MTCL3: variants seen among roughly 807,000 people sequenced by gnomAD.
MTCL3 encodes the protein MTCL family member 3.
At chr6:127,512,498 A>T in the MTCL3 span, among the ~76,000 whole-genome samples, 2 of 152,170 alleles carry the variant, frequency 1.3e-5, no homozygotes, top group Non-Finnish European at 2.9e-5. Context: ...CATCCTAAAA[A>T]TTCATGGTTC....
the MTCL3 span, chr6:127,516,051 C>T: frequency 6.5e-7 from 1 of 1,544,040 alleles, no homozygotes; most frequent in Non-Finnish European, 8.7e-7. Context: ...GCGGCGGCTG[C>T]GGAGCGCCCC....
the MTCL3 span, among the ~76,000 whole-genome samples, chr6:127,477,498 A>C: frequency 1.3e-5 from 2 of 152,206 alleles, no homozygotes; most frequent in African/African-American, 4.8e-5. Context: ...TCTTCATTAA[A>C]AAAACAAAAA....
chr6:127,505,454 G>A, the MTCL3 span, among the ~76,000 whole-genome samples: 1 of 152,158 alleles, frequency 6.6e-6, no homozygotes, highest in African/African-American at 2.4e-5. Context: ...ACTTACAAGT[G>A]GGCGCTAAAT....
the MTCL3 span, among the ~76,000 whole-genome samples, chr6:127,480,912 T>G: frequency 6.6e-6 from 1 of 152,170 alleles, no homozygotes; most frequent in African/African-American, 2.4e-5. Context: ...GGTCATAACC[T>G]CTGAAAATAA....
the MTCL3 span, among the ~76,000 whole-genome samples, chr6:127,507,842 CAAAAAAAAAAAAA>C: frequency 1.2e-5 from 1 of 82,088 alleles, no homozygotes; most frequent in Admixed American, 1.3e-4. Flanking sequence ...GACTATGTCT[CAAAAAAAAAAAAA>C]AAAAAAAAAA....
chr6:127,498,733 T>C, the MTCL3 span, among the ~76,000 whole-genome samples: 21 of 152,260 alleles, frequency 1.4e-4, no homozygotes, highest in South Asian at 3.9e-3. Context: ...TGAATATTAT[T>C]TGGAAATAAA....
the MTCL3 span, chr6:127,515,018 C>T: frequency 1.9e-6 from 3 of 1,614,098 alleles, no homozygotes; most frequent in Non-Finnish European, 2.5e-6. This position sits in a 1 kb window ranked among gnomAD's most constrained non-coding sequence, Gnocchi z 4.3. Context: ...TCATCTCGTC[C>T]ATCTCGGTTC....
At chr6:127,506,523 A>T in the MTCL3 span, among the ~76,000 whole-genome samples, 1 of 151,878 alleles carries the variant, frequency 6.6e-6, no homozygotes, top group African/African-American at 2.4e-5. Context: ...TAATTTTAAA[A>T]CCCTTATTTC....
chr6:127,515,163 A>C, the MTCL3 span: 1 of 948,366 alleles, frequency 1.1e-6, no homozygotes, highest in Non-Finnish European at 1.7e-6. The surrounding 1 kb of genome is among the most constrained non-coding windows in gnomAD (Gnocchi z 4.3). Flanking sequence ...CTCTCTCTCC[A>C]CGAGACAGGA....
chr6:127,485,289 G>GA, the MTCL3 span, among the ~76,000 whole-genome samples: 154 of 149,900 alleles, frequency 1.0e-3, 1 homozygote, highest in East Asian at 0.019. Flanking sequence ...GAGGAAAAGG[G>GA]AAAAAAAAAG....
the MTCL3 span, chr6:127,515,717 A>C: frequency 1.3e-6 from 2 of 1,584,874 alleles, no homozygotes; most frequent in Non-Finnish European, 1.7e-6. The surrounding 1 kb of genome is among the most constrained non-coding windows in gnomAD (Gnocchi z 4.3). Flanking sequence ...AGGGTCTCGC[A>C]AACGGCAGGG....
the MTCL3 span, among the ~76,000 whole-genome samples, chr6:127,505,635 G>A: frequency 6.6e-6 from 1 of 152,052 alleles, no homozygotes; most frequent in African/African-American, 2.4e-5. Context: ...GTTTACCTAT[G>A]TAACAAACTT....
the MTCL3 span, among the ~76,000 whole-genome samples, chr6:127,478,050 G>T: frequency 6.6e-6 from 1 of 152,106 alleles, no homozygotes; most frequent in Non-Finnish European, 1.5e-5. Flanking sequence ...AGAAAGAAGA[G>T]AAGGACTACC....
the MTCL3 span, among the ~76,000 whole-genome samples, chr6:127,489,569 C>G: frequency 2.6e-5 from 4 of 152,252 alleles, no homozygotes; most frequent in South Asian, 2.1e-4. Flanking sequence ...AAGTGCCACT[C>G]TAGTGAACAC....
chr6:127,504,064 T>C, the MTCL3 span, among the ~76,000 whole-genome samples: 1 of 152,268 alleles, frequency 6.6e-6, no homozygotes, highest in South Asian at 2.1e-4. Flanking sequence ...CAGGAAACTG[T>C]AAACAGTTTC....
At chr6:127,488,747 A>T in the MTCL3 span, among the ~76,000 whole-genome samples, 1 of 152,264 alleles carries the variant, frequency 6.6e-6, no homozygotes, top group East Asian at 1.9e-4. Flanking sequence ...TGAGCTGAAA[A>T]GTATTTAAAA....
chr6:127,480,970 T>TA, the MTCL3 span, among the ~76,000 whole-genome samples: 6 of 152,142 alleles, frequency 3.9e-5, no homozygotes, highest in Admixed American at 1.3e-4. Flanking sequence ...AGTATACTTA[T>TA]AAAAAAGGAA....
At chr6:127,475,216 G>A in the MTCL3 span, 3 of 1,464,164 alleles carry the variant, frequency 2.0e-6, no homozygotes, top group Non-Finnish European at 2.7e-6. The surrounding 1 kb of genome is among the most constrained non-coding windows in gnomAD (Gnocchi z 7.3). Context: ...CAGTCCGGGC[G>A]CCGAGACGCC....
At chr6:127,498,339 A>C in the MTCL3 span, among the ~76,000 whole-genome samples, 11 of 152,228 alleles carry the variant, frequency 7.2e-5, no homozygotes, top group Admixed American at 6.5e-4. Flanking sequence ...AGATGAAAAG[A>C]TACTCAACAT....
Sources: allele counts gnomAD v4.1 joint callset (sites outside exome capture counted in the v4.1 genomes callset), GRCh38; gene constraint gnomAD v4.1.1; non-coding constraint Gnocchi (gnomAD v3.1); transcripts MANE v1.5; gene names NCBI Gene and HGNC (gene_info 2026-07-23, HGNC 2026-07-21).